The following ENOX1 variants were observed in gnomAD, a reference collection of about 807,000 sequenced individuals.
ENOX1 encodes the protein ecto-NOX disulfide-thiol exchanger 1, also known as candidate growth-related and time keeping constitutive hydroquinone (NADH) oxidase.
A neutral mutation model predicts 82.5 loss-of-function variants in ENOX1; 42 were observed. That is an observed-to-expected ratio of 0.51 (90% CI 0.40 to 0.66). The LOEUF is 0.66. Among genes scored for constraint, ENOX1 ranks in the 30% least tolerant of loss-of-function variants. The pLI, the probability that ENOX1 is intolerant of heterozygous loss-of-function variation, is 0.00. For missense variants in ENOX1, 608 were observed against 811.6 expected, an observed-to-expected ratio of 0.75 and a Z score of 3.05; for synonymous variants, 271 against 282.2, an observed-to-expected ratio of 0.96 and a Z score of 0.40.
Position 43,561,052 on chromosome 13 carries a change from G to A in ENOX1, c.-218-76900C>T, listed in dbSNP as rs370907448. On this transcript the variant is annotated intron_variant, in intron 2 of 16. Transcript: ENST00000690772. Reference sequence around the variant, plus strand: ...CTATCAATAATTCTGGGAGGAGTGGGAGAGAGAACAGTGCGTAATCAAAAG... The same window carrying A: ...CTATCAATAATTCTGGGAGGAGTGGAAGAGAGAACAGTGCGTAATCAAAAG... Among the ~76,000 whole-genome samples, 10 of 152,262 alleles carry A rather than the reference G, an allele frequency of 6.6e-5. No homozygotes were observed. The East Asian group carries it at 9.6e-4, about 15-fold the overall frequency.
intron 2 of ENOX1, among the ~76,000 whole-genome samples, chr13:43,584,229 CG>C (rs1566576309): frequency 6.6e-6 from 1 of 152,146 alleles, no homozygotes; most frequent in African/African-American, 2.4e-5. Context: ...GGAAAGAAGT[CG>C]GGATGGAACT....
chr13:43,503,784 G>A (rs1450816478), intron 2 of ENOX1, among the ~76,000 whole-genome samples: 1 of 151,676 alleles, frequency 6.6e-6, no homozygotes, highest in Non-Finnish European at 1.5e-5. Context: ...GTTGACTTCA[G>A]CAATGATTTA....
intron 12 of ENOX1, among the ~76,000 whole-genome samples, chr13:43,290,169 T>G (rs2045919385): frequency 6.6e-6 from 1 of 152,180 alleles, no homozygotes; most frequent in Non-Finnish European, 1.5e-5. Context: ...AGTCTGGAGA[T>G]TTCTCAAAGA....
chr13:43,230,500 C>T lies in ENOX1; in HGVS notation c.1714+6136G>A, dbSNP rs2042231382. ...TTATATATTGATGCACATGATGCTC[C>T]ACTTACATACAAGATCACTAAGGGG... On this transcript the variant is annotated intron_variant, in intron 15 of 16. Coordinates refer to ENST00000690772, the MANE Select transcript of ENOX1 (RefSeq NM_001347969.2). Among the ~76,000 whole-genome samples, 6 of 151,934 alleles carry T rather than the reference C, an allele frequency of 3.9e-5. No individual in the cohort carries two copies. The South Asian group carries it at 1.2e-3, about 32-fold the overall frequency.
intron 3 of ENOX1, among the ~76,000 whole-genome samples, chr13:43,470,285 T>TATATATACAC (rs1566305516): frequency 2.9e-5 from 1 of 35,002 alleles, no homozygotes; most frequent in African/African-American, 7.8e-5. Flanking sequence ...TATATATACA[T>TATATATACAC]ATATATATAC....
chr13:43,424,831 A>T (rs2055193360), intron 3 of ENOX1, among the ~76,000 whole-genome samples: 1 of 152,038 alleles, frequency 6.6e-6, no homozygotes, highest in Non-Finnish European at 1.5e-5. Context: ...TGGCTATATC[A>T]CTGGGAGTAA....
At chr13:43,425,411 T>G (rs952356529) in intron 3 of ENOX1, among the ~76,000 whole-genome samples, 6 of 152,222 alleles carry the variant, frequency 3.9e-5, no homozygotes, top group Non-Finnish European at 8.8e-5. Context: ...GTCACAGATT[T>G]GCATTAAAAT....
At chr13:43,335,699 A>G (rs1351745865) in intron 9 of ENOX1, among the ~76,000 whole-genome samples, 1 of 149,780 alleles carries the variant, frequency 6.7e-6, no homozygotes, top group African/African-American at 2.4e-5. Flanking sequence ...ATTATTAAAG[A>G]TTTTTTTAAA....
At chr13:43,721,613 C>A (rs1204752737) in intron 1 of ENOX1, among the ~76,000 whole-genome samples, 1 of 151,874 alleles carries the variant, frequency 6.6e-6, no homozygotes, top group East Asian at 1.9e-4. Flanking sequence ...CTCCTGACCT[C>A]GTGATCCGCC....
intron 2 of ENOX1, among the ~76,000 whole-genome samples, chr13:43,587,072 GAAA>G (rs10713584): frequency 2.3e-5 from 3 of 133,160 alleles, no homozygotes; most frequent in Non-Finnish European, 3.2e-5. Context: ...GACTATCTCA[GAAA>G]AAAAAAAAAA....
intron 16 of ENOX1, among the ~76,000 whole-genome samples, chr13:43,217,592 C>G (rs549663878): frequency 6.6e-6 from 1 of 152,192 alleles, no homozygotes; most frequent in East Asian, 1.9e-4. Context: ...GCTCATTAAA[C>G]AAGCAAGTGC....
chr13:43,438,769 G>C (rs1487761662), intron 3 of ENOX1, among the ~76,000 whole-genome samples: 7 of 152,098 alleles, frequency 4.6e-5, no homozygotes, highest in Admixed American at 2.6e-4. Context: ...CATATGCTTG[G>C]TCTTCACCCC....
At chr13:43,720,160 G>A (rs2088473129) in intron 1 of ENOX1, among the ~76,000 whole-genome samples, 1 of 152,130 alleles carries the variant, frequency 6.6e-6, no homozygotes, top group Non-Finnish European at 1.5e-5. Context: ...GACTGTGCTT[G>A]CAGACTTATA....
At chr13:43,675,438 A>T (rs912482518) in intron 1 of ENOX1, among the ~76,000 whole-genome samples, 1 of 152,220 alleles carries the variant, frequency 6.6e-6, no homozygotes. Context: ...CCTCCAAGGG[A>T]AATCAAGTTC....
chr13:43,777,739 G>A (rs1269340768), intron 1 of ENOX1, among the ~76,000 whole-genome samples: 3 of 151,360 alleles, frequency 2.0e-5, no homozygotes, highest in Non-Finnish European at 2.9e-5. Context: ...TAGTAGAGAC[G>A]GGGTTTCACC....
intron 1 of ENOX1, among the ~76,000 whole-genome samples, chr13:43,749,020 T>C (rs1566873090): frequency 6.6e-6 from 1 of 152,296 alleles, no homozygotes; most frequent in East Asian, 1.9e-4. Flanking sequence ...ATCTATGCCA[T>C]AGGGTTGTTA....
At chr13:43,415,161 C>A (rs2054368023) in intron 3 of ENOX1, among the ~76,000 whole-genome samples, 1 of 150,920 alleles carries the variant, frequency 6.6e-6, no homozygotes, top group Non-Finnish European at 1.5e-5. Flanking sequence ...GGTGTATAAA[C>A]CTAGATTTAT....
chr13:43,677,548 A>C (rs1316695730), intron 1 of ENOX1, among the ~76,000 whole-genome samples: 2 of 152,208 alleles, frequency 1.3e-5, no homozygotes, highest in African/African-American at 4.8e-5. Flanking sequence ...ACCTCTCTCT[A>C]GAGCGCTCTT....
intron 1 of ENOX1, among the ~76,000 whole-genome samples, chr13:43,761,092 A>C (rs1950944174): frequency 6.6e-6 from 1 of 151,958 alleles, no homozygotes; most frequent in Non-Finnish European, 1.5e-5. Flanking sequence ...GAGCTGCCCA[A>C]AGTCACAGAA....
Sources: allele counts gnomAD v4.1 joint callset (sites outside exome capture counted in the v4.1 genomes callset), GRCh38; gene constraint gnomAD v4.1.1; transcripts MANE v1.5; gene names NCBI Gene and HGNC (gene_info 2026-07-23, HGNC 2026-07-21).